GRM7: variants seen among roughly 807,000 people sequenced by gnomAD.
The protein encoded by GRM7 is metabotropic glutamate receptor 7.
A neutral mutation model predicts 84.5 loss-of-function variants in GRM7; 35 were observed. The ratio of observed to expected loss-of-function variants is 0.41; its 90% CI spans 0.32 to 0.55. The LOEUF (loss-of-function observed/expected upper bound fraction) is 0.55, where lower values mean the gene tolerates loss of function less well. GRM7 is among the 20% of genes least tolerant of loss of function. The pLI is 0.19. For synonymous variants in GRM7, 487 were observed against 455.1 expected (o/e 1.07, Z -0.89); for missense variants, 1,003 against 1,194.6 (o/e 0.84, Z 2.36).
At chr3:7,614,751 T>G (rs112732452) in intron 8 of GRM7, among the ~76,000 whole-genome samples, 44 of 152,330 alleles carry the variant, frequency 2.9e-4, no homozygotes, top group African/African-American at 1.0e-3. Flanking sequence ...CTAATAAAAA[T>G]TATTACTTTC....
At chr3:7,547,590 C>T (rs1453082798) in intron 7 of GRM7, among the ~76,000 whole-genome samples, 1 of 152,088 alleles carries the variant, frequency 6.6e-6, no homozygotes, top group Admixed American at 6.5e-5. Flanking sequence ...ATCCTATTGC[C>T]CAGGTCCAAC....
At chr3:7,661,489 C>G (rs1040500458) in intron 8 of GRM7, among the ~76,000 whole-genome samples, 1 of 152,078 alleles carries the variant, frequency 6.6e-6, no homozygotes, top group Non-Finnish European at 1.5e-5. Context: ...CTCTCATACA[C>G]TGCTGATAAG....
intron 8 of GRM7, among the ~76,000 whole-genome samples, chr3:7,609,421 G>C (rs73116084): frequency 0.018 from 2,707 of 151,778 alleles, 92 homozygotes; most frequent in African/African-American, 0.061. Context: ...GTTGCTGCAG[G>C]GTGGGCTTGG....
intron 2 of GRM7, among the ~76,000 whole-genome samples, chr3:7,220,811 T>C (rs979717045): frequency 6.6e-6 from 1 of 152,160 alleles, no homozygotes; most frequent in Non-Finnish European, 1.5e-5. Flanking sequence ...AAAAAGAGAA[T>C]TTTGCAGCTT....
intron 1 of GRM7, among the ~76,000 whole-genome samples, chr3:6,873,388 T>A (rs530107949): frequency 6.6e-6 from 1 of 152,280 alleles, no homozygotes; most frequent in African/African-American, 2.4e-5. Flanking sequence ...TTTTTGTATA[T>A]AAATATATAT....
At chr3:7,322,278 GA>G (rs1222402990) in intron 4 of GRM7, among the ~76,000 whole-genome samples, 2 of 35,548 alleles carry the variant, frequency 5.6e-5, no homozygotes, top group Non-Finnish European at 1.0e-4. Flanking sequence ...ATTAAAAAAT[GA>G]ATACTTGGGT....
intron 8 of GRM7, among the ~76,000 whole-genome samples, chr3:7,673,455 A>C (rs1334308170): frequency 1.3e-5 from 2 of 151,920 alleles, no homozygotes; most frequent in Non-Finnish European, 2.9e-5. Flanking sequence ...CCATGAAAAA[A>C]CACAGGACTT....
chr3:7,169,432 TG>T (rs1694911632), intron 2 of GRM7, among the ~76,000 whole-genome samples: 5 of 152,090 alleles, frequency 3.3e-5, no homozygotes, highest in Admixed American at 3.3e-4. Context: ...AATTCAGAGG[TG>T]CCATCATGGG....
chr3:6,919,244 G>C (rs961354590), intron 1 of GRM7, among the ~76,000 whole-genome samples: 9 of 151,642 alleles, frequency 5.9e-5, no homozygotes, highest in African/African-American at 2.2e-4. Flanking sequence ...TGTCACCCTG[G>C]CTGGAGTGCA....
chr3:7,506,032 T>C (rs1228010548), intron 7 of GRM7, among the ~76,000 whole-genome samples: 2 of 152,208 alleles, frequency 1.3e-5, no homozygotes, highest in African/African-American at 2.4e-5. Context: ...AAATCAACTC[T>C]TTCTTCTATA....
chr3:6,999,604 G>T (rs527565287), intron 1 of GRM7, among the ~76,000 whole-genome samples: 30 of 152,272 alleles, frequency 2.0e-4, no homozygotes, highest in African/African-American at 7.2e-4. Context: ...AAAGGAAAAA[G>T]GCTTAATTGA....
intron 2 of GRM7, among the ~76,000 whole-genome samples, chr3:7,171,843 G>A (rs1452699489): frequency 1.3e-5 from 2 of 152,194 alleles, no homozygotes; most frequent in African/African-American, 2.4e-5. Context: ...GCTGTTGGGT[G>A]AGGGTTGTGT....
intron 8 of GRM7, among the ~76,000 whole-genome samples, chr3:7,679,211 G>A (rs1467704511): frequency 3.3e-5 from 5 of 152,102 alleles, no homozygotes; most frequent in African/African-American, 1.2e-4. Flanking sequence ...AAGAAAAGGG[G>A]CATGGAGAAA....
intron 4 of GRM7, among the ~76,000 whole-genome samples, chr3:7,354,084 G>A (rs1335175411): frequency 2.6e-5 from 4 of 152,158 alleles, no homozygotes. Context: ...TGGAATAAAA[G>A]AGAAGCCAGT....
At chr3:6,993,619 A>G (rs1472741365) in intron 1 of GRM7, among the ~76,000 whole-genome samples, 1 of 152,240 alleles carries the variant, frequency 6.6e-6, no homozygotes, top group African/African-American at 2.4e-5. Flanking sequence ...CTAATCTGGC[A>G]TCAGAAAAGA....
chr3:7,121,248 A>T (rs1330535093), intron 1 of GRM7, among the ~76,000 whole-genome samples: 2 of 152,092 alleles, frequency 1.3e-5, no homozygotes, highest in Non-Finnish European at 2.9e-5. Flanking sequence ...TCCCATATTC[A>T]CTGATAGAAA....
At chr3:7,550,433 C>CCTTCCTTT (rs1192149297) in intron 7 of GRM7, among the ~76,000 whole-genome samples, 13 of 143,942 alleles carry the variant, frequency 9.0e-5, no homozygotes, top group South Asian at 4.7e-4. Context: ...TCCCTCCCTC[C>CCTTCCTTT]CTTCCTTTCT....
chr3:7,316,619 A>C (rs564411015), intron 4 of GRM7, among the ~76,000 whole-genome samples: 19 of 152,282 alleles, frequency 1.2e-4, no homozygotes, highest in Middle Eastern at 3.4e-3. Flanking sequence ...AGAGAGATGG[A>C]ATTATGATCA....
At chr3:7,203,014 G>C (rs949725967) in intron 2 of GRM7, among the ~76,000 whole-genome samples, 7 of 152,106 alleles carry the variant, frequency 4.6e-5, no homozygotes, top group African/African-American at 1.7e-4. Flanking sequence ...ACCAAGTCAG[G>C]GTAGAGGAGG....
Sources: allele counts gnomAD v4.1 joint callset (sites outside exome capture counted in the v4.1 genomes callset), GRCh38; gene constraint gnomAD v4.1.1; transcripts MANE v1.5; gene names NCBI Gene and HGNC (gene_info 2026-07-23, HGNC 2026-07-21).